The following CNTNAP2 variants were observed in gnomAD, a reference collection of about 807,000 sequenced individuals.
CNTNAP2 encodes the protein contactin associated protein 2.
In CNTNAP2, 98 loss-of-function variants were observed where a neutral mutation model predicts 155.2. That is an observed-to-expected ratio of 0.63 (90% CI 0.54 to 0.75). The LOEUF is 0.75. Ranked by LOEUF, CNTNAP2 falls within the 30% of genes least tolerant of loss-of-function variation. The probability of loss-of-function intolerance (pLI) is 0.00; values close to 1 mark genes in which losing one functional copy is unlikely to be tolerated. For synonymous variants in CNTNAP2, 651 were observed against 631.2 expected, an observed-to-expected ratio of 1.03 and a Z score of -0.47; for missense variants, 1,727 against 1,688.1, an observed-to-expected ratio of 1.02 and a Z score of -0.40.
chr7:146,948,652 A>G (rs1797242590), intron 3 of CNTNAP2, among the ~76,000 whole-genome samples: 1 of 152,178 alleles, frequency 6.6e-6, no homozygotes, highest in African/African-American at 2.4e-5. Context: ...ATAAATTTTG[A>G]GTATATAATT....
intron 3 of CNTNAP2, among the ~76,000 whole-genome samples, chr7:146,927,494 A>C (rs1331224063): frequency 6.6e-6 from 1 of 150,804 alleles, no homozygotes; most frequent in African/African-American, 2.5e-5. Context: ...TATCTAATAG[A>C]TTAACTTTAA....
intron 20 of CNTNAP2, among the ~76,000 whole-genome samples, chr7:148,237,037 A>G (rs565479927): frequency 6.6e-6 from 1 of 152,252 alleles, no homozygotes; most frequent in South Asian, 2.1e-4. Context: ...ACATATCCAA[A>G]CCATATCACA....
In CNTNAP2 at chr7:147,767,472, C is replaced by A. The variant is rs374730456; in HGVS notation, c.2098+128166C>A. Among the ~76,000 whole-genome samples the A allele has an allele frequency of 3.2e-4, 48 of 152,058 alleles. No homozygotes were observed. In the East Asian group the frequency reaches 5.2e-3, roughly 17 times the overall value. ...TAAGTTGGTCACTTATTTCTTTTTT[C>A]TCTTGTCCATTATCTTCAGATGTGT... On this transcript the variant is annotated intron_variant, in intron 13 of 23. Transcript: ENST00000361727.
At chr7:147,277,518 A>C (rs1005515302) in intron 8 of CNTNAP2, among the ~76,000 whole-genome samples, 2 of 151,994 alleles carry the variant, frequency 1.3e-5, no homozygotes. Context: ...TGAACTCCTG[A>C]GTTTAGCCAT....
At position 147,166,105 on chromosome 7, in the gene CNTNAP2, A is replaced by C. The variant is rs570030934; in HGVS notation, c.1348+33596A>C. ...AAAAGTTTATAGCAACAAAATTCAC[A>C]GTTGCAAAAATATGGAACCAGCCCA... On this transcript the variant is annotated intron_variant, in intron 8 of 23. Transcript: ENST00000361727. 7.2e-5 allele frequency among the ~76,000 whole-genome samples: 11 copies of C among 152,330 alleles called. 1 individual carries two copies. In the South Asian group the frequency reaches 2.1e-3, roughly 29 times the overall value.
chr7:146,605,142 T>C (rs1411781301), intron 1 of CNTNAP2, among the ~76,000 whole-genome samples: 1 of 151,140 alleles, frequency 6.6e-6, no homozygotes, highest in Non-Finnish European at 1.5e-5. Context: ...TACACTGTTT[T>C]TTAATAATTA....
At chr7:147,839,788 T>A (rs1006543478) in intron 13 of CNTNAP2, among the ~76,000 whole-genome samples, 4 of 152,168 alleles carry the variant, frequency 2.6e-5, no homozygotes, top group Admixed American at 1.3e-4. Context: ...ATGCCTGCAC[T>A]TGTATGCTTA....
Position 147,744,933 on chromosome 7 carries a change from C to T in CNTNAP2, c.2098+105627C>T, listed in dbSNP as rs149308742. On this transcript the variant is annotated intron_variant, in intron 13 of 23. Transcript: ENST00000361727. Reference sequence around the variant, plus strand: ...ACGTGTGAATTTTGGGGGACATAATCCTGTTCATAACACTATCTAACCAAA... The same window carrying T: ...ACGTGTGAATTTTGGGGGACATAATTCTGTTCATAACACTATCTAACCAAA... 6.9e-3 allele frequency among the ~76,000 whole-genome samples: 1,052 copies of T among 152,214 alleles called. 8 individuals are homozygous for T. The highest frequency in any genetic ancestry group is 0.024 in the African/African-American group (1,011 of 41,526).
In CNTNAP2 at chr7:148,301,306, A is replaced by AAATATAT; in HGVS notation, c.3475+34181_3475+34182insATATATA. Among the ~76,000 whole-genome samples the AAATATAT allele has an allele frequency of 6.6e-3, 685 of 103,818 alleles. 5 individuals are homozygous for AAATATAT. Among genetic ancestry groups the AAATATAT allele is most frequent in the African/African-American group, 0.024 (630 of 26,540 alleles). The allele number at this position is 103,818 out of a possible 152,430, so 68.1% of individuals were successfully genotyped here. ...GAGACTCCGTCTAAAAAAAAAAAAA[A>AAATATAT]ATATATATATATATATAGGTTAAAA... On this transcript the variant is annotated intron_variant, in intron 21 of 23. Coordinates refer to ENST00000361727, the MANE Select transcript of CNTNAP2 (RefSeq NM_014141.6).
chr7:147,759,843 C>T (rs370629351), intron 13 of CNTNAP2, among the ~76,000 whole-genome samples: 26 of 152,236 alleles, frequency 1.7e-4, no homozygotes, highest in East Asian at 9.7e-4. Context: ...ATCCCACAAC[C>T]CCAGGAGTTC....
chr7:147,842,183 T>C (rs76760536), intron 13 of CNTNAP2, among the ~76,000 whole-genome samples: 18,184 of 138,044 alleles, frequency 0.13, no homozygotes, highest in South Asian at 0.27. Flanking sequence ...GATAAGGAAA[T>C]TAACACCCAA....
chr7:146,512,832 A>T (rs146454551), intron 1 of CNTNAP2, among the ~76,000 whole-genome samples: 4,295 of 151,854 alleles, frequency 0.028, 201 homozygotes, highest in African/African-American at 0.098. Flanking sequence ...TTTAACTCCA[A>T]TATTTGTTCA....
Position 146,437,917 on chromosome 7 carries a change from C to T in CNTNAP2, c.97+320944C>T, listed in dbSNP as rs141505261. Among the ~76,000 whole-genome samples, 76 of 151,066 alleles carry T rather than the reference C, an allele frequency of 5.0e-4. No individual in the cohort carries two copies. In the East Asian group the frequency reaches 9.7e-3, roughly 19 times the overall value. ...TGTTTGTTTTTGTCCCCTTTCTTAC[C>T]GGAGTAAGGGAGGAAGCCCCATGTT... On this transcript the variant is annotated intron_variant, in intron 1 of 23. Coordinates refer to ENST00000361727, the MANE Select transcript of CNTNAP2 (RefSeq NM_014141.6).
chr7:148,184,683 G>C (rs184462394), intron 18 of CNTNAP2, among the ~76,000 whole-genome samples: 2 of 152,198 alleles, frequency 1.3e-5, no homozygotes, highest in Non-Finnish European at 2.9e-5. Flanking sequence ...AAAGAAAGGG[G>C]AAATTTGTAC....
At chr7:147,610,024 T>C (rs1450516781) in intron 12 of CNTNAP2, among the ~76,000 whole-genome samples, 1 of 152,064 alleles carries the variant, frequency 6.6e-6, no homozygotes, top group Non-Finnish European at 1.5e-5. Context: ...ATCAGTGTGT[T>C]TTTCCCCTCA....
At chr7:148,362,329 C>T (rs1056163323) in intron 21 of CNTNAP2, among the ~76,000 whole-genome samples, 3 of 152,154 alleles carry the variant, frequency 2.0e-5, no homozygotes, top group Non-Finnish European at 4.4e-5. Context: ...GTGGGGATTA[C>T]AGTTCAAGGT....
chr7:147,777,077 C>A (rs1797595607), intron 13 of CNTNAP2, among the ~76,000 whole-genome samples: 1 of 151,896 alleles, frequency 6.6e-6, no homozygotes, highest in South Asian at 2.1e-4. Flanking sequence ...ATAAGTATTG[C>A]TTTATGATGA....
chr7:147,982,828 G>A (rs913862731), intron 15 of CNTNAP2, among the ~76,000 whole-genome samples: 1 of 151,630 alleles, frequency 6.6e-6, no homozygotes, highest in African/African-American at 2.4e-5. Context: ...GGACAGCCTG[G>A]CCAACATGGT....
chr7:146,499,981 C>A (rs1185849215), intron 1 of CNTNAP2, among the ~76,000 whole-genome samples: 2 of 151,970 alleles, frequency 1.3e-5, no homozygotes, highest in Non-Finnish European at 2.9e-5. Flanking sequence ...TTTTTTATAT[C>A]ATTGTAAGTA....
Sources: gnomAD v4.1 joint callset for allele counts (sites outside exome capture counted in the v4.1 genomes callset) on GRCh38, gnomAD v4.1.1 for gene constraint, MANE v1.5 for transcripts, NCBI Gene and HGNC (gene_info 2026-07-23, HGNC 2026-07-21) for gene names.